Variants in RAB9B observed in about 807,000 individuals in gnomAD.
RAB9B encodes ras-related protein Rab-9B.
A neutral mutation model predicts 8.9 loss-of-function variants in RAB9B; 1 was observed. The ratio of observed to expected loss-of-function variants is 0.11; its 90% CI spans 0.04 to 0.53. RAB9B has a LOEUF of 0.53. Among genes scored for constraint, RAB9B ranks in the 20% least tolerant of loss-of-function variants. RAB9B has a pLI of 0.93. For missense variants in RAB9B, 82 were observed against 152.9 expected, an observed-to-expected ratio of 0.54 and a Z score of 2.45; for synonymous variants, 63 against 57.0, an observed-to-expected ratio of 1.10 and a Z score of -0.47.
chrX:103,818,646 T>C (rs997327895), downstream of RAB9B, among the ~76,000 whole-genome samples: 4 of 111,543 alleles, frequency 3.6e-5, no homozygotes, highest in Non-Finnish European at 7.5e-5. Flanking sequence ...AATATAATCT[T>C]AGAAGAATAT....
the RAB9B span, chrX:103,786,734 T>A: frequency 8.3e-7 from 1 of 1,210,589 alleles, no homozygotes; most frequent in South Asian, 1.8e-5. Context: ...AAGGTGATCA[T>A]CCTCAGGATT....
At chrX:103,811,097 C>A in the RAB9B span, among the ~76,000 whole-genome samples, 3 of 111,404 alleles carry the variant, frequency 2.7e-5, no homozygotes, top group Admixed American at 1.9e-4. Context: ...GGATCATGTG[C>A]CATTTTTGCA....
chrX:103,780,581 TTG>T, the RAB9B span, among the ~76,000 whole-genome samples: 1 of 110,961 alleles, frequency 9.0e-6, no homozygotes, highest in Non-Finnish European at 1.9e-5. Context: ...TTAGTTAACC[TTG>T]TCCACATGAT....
the RAB9B span, among the ~76,000 whole-genome samples, chrX:103,796,046 A>G: frequency 6.2e-5 from 7 of 112,474 alleles, no homozygotes; most frequent in African/African-American, 2.3e-4. Flanking sequence ...GTGCTTATGG[A>G]ATTTCTGCAC....
At chrX:103,809,181 T>C in the RAB9B span, among the ~76,000 whole-genome samples, 1 of 112,180 alleles carries the variant, frequency 8.9e-6, no homozygotes, top group African/African-American at 3.2e-5. Context: ...TCGCTCTCTC[T>C]CTGTTATGTG....
chrX:103,831,114 G>C (rs779429779), intron 1 of RAB9B, among the ~76,000 whole-genome samples: 12 of 111,038 alleles, frequency 1.1e-4, no homozygotes, highest in Non-Finnish European at 9.4e-5. Flanking sequence ...CACTGGTAAG[G>C]GCTACTCAAC....
At chrX:103,799,705 A>G in the RAB9B span, among the ~76,000 whole-genome samples, 1 of 112,471 alleles carries the variant, frequency 8.9e-6, no homozygotes, top group African/African-American at 3.2e-5. Flanking sequence ...AAAATTTCAA[A>G]CATACACAAA....
chrX:103,781,123 A>G, the RAB9B span: 1 of 228,253 alleles, frequency 4.4e-6, no homozygotes, highest in Non-Finnish European at 8.5e-6. Flanking sequence ...ATTCCTTTCG[A>G]TGAAAGCCCT....
chrX:103,812,230 C>T, the RAB9B span, among the ~76,000 whole-genome samples: 3 of 111,094 alleles, frequency 2.7e-5, no homozygotes, highest in Non-Finnish European at 3.8e-5. Flanking sequence ...ACTGTAATTA[C>T]CTCCTAAAGA....
Position 103,823,493 on chromosome X carries a change from A to G in RAB9B, c.*1686T>C, listed in dbSNP as rs1463251065. 1 of 111,886 alleles carries G rather than the reference A, an allele frequency of 8.9e-6. No homozygotes were observed. Among genetic ancestry groups the G allele is most frequent in the African/African-American group, 3.3e-5 (1 of 30,754 alleles). 9.2% of individuals were successfully genotyped at this position (111,886 alleles called of 1,213,427 possible). On this transcript the variant is annotated 3_prime_UTR_variant, in exon 3 of 3. Coordinates refer to ENST00000243298, the MANE Select transcript of RAB9B (RefSeq NM_016370.4). ...AAGGCTGATTCCATACGTGGCTACA[A>G]TGGAGAGTTCTAGGCTGTATTCCTA...
chrX:103,782,820 G>A, the RAB9B span, among the ~76,000 whole-genome samples: 5 of 111,222 alleles, frequency 4.5e-5, no homozygotes, highest in South Asian at 3.8e-4. Context: ...GCAGGCCCCT[G>A]TGGAATACCA....
At chrX:103,802,440 T>C in the RAB9B span, among the ~76,000 whole-genome samples, 46 of 111,548 alleles carry the variant, frequency 4.1e-4, no homozygotes, top group Non-Finnish European at 7.5e-4. Context: ...GCACTGATAA[T>C]TTTTCTAGTT....
At chrX:103,807,635 C>T in the RAB9B span, among the ~76,000 whole-genome samples, 2 of 112,238 alleles carry the variant, frequency 1.8e-5, no homozygotes, top group Non-Finnish European at 3.8e-5. Context: ...TCATTAAAAG[C>T]CCTGGTTGGG....
chrX:103,820,983 TACAC>T (rs1191042577), downstream of RAB9B, among the ~76,000 whole-genome samples: 100 of 20,961 alleles, frequency 4.8e-3, 1 homozygote, highest in South Asian at 0.018. Flanking sequence ...CACACACACA[TACAC>T]ACACACACAC....
the RAB9B span, among the ~76,000 whole-genome samples, chrX:103,808,547 C>T: frequency 1.8e-5 from 2 of 112,697 alleles, no homozygotes; most frequent in South Asian, 3.6e-4. Context: ...ACACATCACA[C>T]GTGATGCCAT....
At chrX:103,779,991 G>A in the RAB9B span, 1 of 112,897 alleles carries the variant, frequency 8.9e-6, no homozygotes, top group Admixed American at 9.3e-5. Context: ...AGCAGCCATG[G>A]TAGGTGAATG....
chrX:103,829,058 A>T (rs1220247089), intron 1 of RAB9B, among the ~76,000 whole-genome samples: 2 of 112,200 alleles, frequency 1.8e-5, no homozygotes, highest in African/African-American at 6.5e-5. Context: ...AAAGATTTGT[A>T]AGCATTTTTT....
At chrX:103,831,450 G>A (rs1413847875) in intron 1 of RAB9B, among the ~76,000 whole-genome samples, 1 of 101,401 alleles carries the variant, frequency 9.9e-6, no homozygotes, top group Non-Finnish European at 2.0e-5. Flanking sequence ...GGTCCAATGT[G>A]GAGTCCCACA....
At chrX:103,777,438 G>C in the RAB9B span, among the ~76,000 whole-genome samples, 2 of 111,908 alleles carry the variant, frequency 1.8e-5, no homozygotes, top group African/African-American at 6.5e-5. Context: ...ACCATGTTTG[G>C]CATTAATAGG....
Sources: allele counts gnomAD v4.1 joint callset (sites outside exome capture counted in the v4.1 genomes callset), GRCh38; gene constraint gnomAD v4.1.1; transcripts MANE v1.5; gene names NCBI Gene and HGNC (gene_info 2026-07-23, HGNC 2026-07-21).